CCDC146: variants seen among roughly 807,000 people sequenced by gnomAD.
CCDC146 encodes the protein coiled-coil domain containing 146, also known as coiled-coil domain-containing protein 146.
A neutral mutation model predicts 119.3 loss-of-function variants in CCDC146; 92 were observed. The ratio of observed to expected loss-of-function variants is 0.77; its 90% CI spans 0.65 to 0.92. The LOEUF is 0.92. Among genes scored for constraint, CCDC146 ranks in the 40% least tolerant of loss-of-function variants. The pLI, the probability that CCDC146 is intolerant of heterozygous loss-of-function variation, is 0.00. For missense variants in CCDC146, 1,000 were observed against 1,103.0 expected, an observed-to-expected ratio of 0.91 and a Z score of 1.32; for synonymous variants, 372 against 371.8, an observed-to-expected ratio of 1.00 and a Z score of -0.01.
At chr7:77,261,890 A>G (rs964596287) in intron 8 of CCDC146, among the ~76,000 whole-genome samples, 5 of 152,222 alleles carry the variant, frequency 3.3e-5, no homozygotes, top group African/African-American at 4.8e-5. Context: ...TATTGTGAAT[A>G]GCACTGTGAT....
chr7:77,252,889 A>C (rs1584113215), intron 4 of CCDC146, among the ~76,000 whole-genome samples: 1 of 152,212 alleles, frequency 6.6e-6, no homozygotes, highest in Admixed American at 6.5e-5. Context: ...TGGGGAAGAC[A>C]TTTGTTACTT....
intron 2 of CCDC146, among the ~76,000 whole-genome samples, chr7:77,170,671 A>G (rs1318085753): frequency 5.9e-5 from 9 of 152,242 alleles, no homozygotes; most frequent in Admixed American, 5.2e-4. Flanking sequence ...TGCATCTGAG[A>G]AAGGTCTGAT....
At chr7:77,136,884 A>C (rs1453306123) in intron 1 of CCDC146, among the ~76,000 whole-genome samples, 4 of 152,234 alleles carry the variant, frequency 2.6e-5, no homozygotes. Flanking sequence ...TCAACAATGT[A>C]TAAAAATAAT....
chr7:77,209,599 T>C (rs571086840), intron 2 of CCDC146, among the ~76,000 whole-genome samples: 1 of 152,374 alleles, frequency 6.6e-6, no homozygotes, highest in South Asian at 2.1e-4. Flanking sequence ...GTGGGGACTC[T>C]GTGTGGAGGT....
intron 2 of CCDC146, among the ~76,000 whole-genome samples, chr7:77,209,193 G>C (rs1372791583): frequency 6.6e-6 from 1 of 152,188 alleles, no homozygotes; most frequent in African/African-American, 2.4e-5. Context: ...GTGAAATAAA[G>C]AACAAGCTAG....
intron 1 of CCDC146, among the ~76,000 whole-genome samples, chr7:77,149,609 T>C (rs1259718965): frequency 6.6e-6 from 1 of 151,708 alleles, no homozygotes; most frequent in Non-Finnish European, 1.5e-5. Flanking sequence ...CTACTAAAAA[T>C]ACAAAAATTA....
chr7:77,247,825 T>C (rs117645376), intron 4 of CCDC146, among the ~76,000 whole-genome samples: 146 of 152,312 alleles, frequency 9.6e-4, no homozygotes, highest in South Asian at 1.4e-3. Flanking sequence ...GGAACACTTA[T>C]ACATTGTTGC....
intron 17 of CCDC146, among the ~76,000 whole-genome samples, chr7:77,291,437 G>A (rs1793941575): frequency 1.3e-5 from 2 of 151,802 alleles, no homozygotes; most frequent in Admixed American, 1.3e-4. Flanking sequence ...GGTCGCAGTG[G>A]CTCATGCCTG....
At chr7:77,182,168 T>C (rs114985531) in intron 2 of CCDC146, among the ~76,000 whole-genome samples, 2,657 of 152,250 alleles carry the variant, frequency 0.017, 72 homozygotes, top group African/African-American at 0.061. Flanking sequence ...ATAGGAATTT[T>C]GCTGTCTATA....
intron 2 of CCDC146, among the ~76,000 whole-genome samples, chr7:77,178,810 C>T (rs531165521): frequency 1.8e-3 from 278 of 152,296 alleles, no homozygotes; most frequent in African/African-American, 6.5e-3. Context: ...CTTTGGAAAG[C>T]TCGTGGCTCT....
At chr7:77,172,368 T>G (rs1169756293) in intron 2 of CCDC146, among the ~76,000 whole-genome samples, 1 of 152,230 alleles carries the variant, frequency 6.6e-6, no homozygotes, top group Non-Finnish European at 1.5e-5. Context: ...AAACTGTATC[T>G]GCAAAAATGG....
intron 2 of CCDC146, chr7:77,199,880 T>C (rs1791954670): frequency 6.8e-7 from 1 of 1,468,462 alleles, no homozygotes; most frequent in Non-Finnish European, 9.1e-7. Flanking sequence ...GCTTTCTGTG[T>C]TCCCAGGAAA....
At chr7:77,278,619 T>A in intron 11 of CCDC146, 133 bp from the exon 12 acceptor site, 1 of 629,486 alleles carries the variant, frequency 1.6e-6, no homozygotes, top group South Asian at 2.0e-5. Flanking sequence ...ATAATTTTTT[T>A]ATTTTTGTAG....
intron 4 of CCDC146, among the ~76,000 whole-genome samples, chr7:77,253,769 T>C (rs1453679879): frequency 1.3e-5 from 2 of 152,202 alleles, no homozygotes; most frequent in Non-Finnish European, 2.9e-5. Flanking sequence ...TTTAGATAGA[T>C]GGCCAGGCAC....
At chr7:77,292,604 G>A (rs544470201) in intron 17 of CCDC146, among the ~76,000 whole-genome samples, 48 of 135,668 alleles carry the variant, frequency 3.5e-4, no homozygotes, top group African/African-American at 1.4e-3. Flanking sequence ...GCGACAGAGC[G>A]AGACTCAGTC....
rs754938436 is a variant in CCDC146 at position 77,282,521 on chromosome 7, T to C, written c.1920-36T>C. 7 of 1,458,750 alleles carry C rather than the reference T, an allele frequency of 4.8e-6. No individual in the cohort carries two copies. The East Asian group carries it at 1.7e-4, about 35-fold the overall frequency. The allele number at this position is 1,458,750 out of a possible 1,614,324, so 90.4% of individuals were successfully genotyped here. On this transcript the variant is annotated intron_variant, in intron 14 of 18. Transcript: ENST00000285871. ...ATGACTAGTAAAACGGTGGTCTCAATGCCCACTTAGCCTCTGCCTCTGAAT... is the reference window on the plus strand; with the variant it reads ...ATGACTAGTAAAACGGTGGTCTCAACGCCCACTTAGCCTCTGCCTCTGAAT...
chr7:77,259,231 AG>A (rs1407884501), intron 7 of CCDC146, 163 bp downstream of exon 7: 3 of 512,278 alleles, frequency 5.9e-6, no homozygotes, highest in African/African-American at 2.0e-5. Flanking sequence ...TTTAAAAGAA[AG>A]TAATGCACCA....
At chr7:77,270,011 TC>T (rs1417198951) in intron 9 of CCDC146, among the ~76,000 whole-genome samples, 2 of 152,092 alleles carry the variant, frequency 1.3e-5, no homozygotes, top group Non-Finnish European at 2.9e-5. Flanking sequence ...AGAATGTATT[TC>T]CCCCCAGAGA....
chr7:77,228,801 C>A (rs1349641600), intron 2 of CCDC146, among the ~76,000 whole-genome samples: 2 of 152,226 alleles, frequency 1.3e-5, no homozygotes, highest in African/African-American at 4.8e-5. Flanking sequence ...TTTTTCTCCA[C>A]AACCTCAGCA....
Sources: gnomAD v4.1 joint callset for allele counts (sites outside exome capture counted in the v4.1 genomes callset) on GRCh38, gnomAD v4.1.1 for gene constraint, MANE v1.5 for transcripts, NCBI Gene and HGNC (gene_info 2026-07-23, HGNC 2026-07-21) for gene names.